Variants in DOCK11 observed in about 807,000 individuals in gnomAD.
DOCK11 encodes dedicator of cytokinesis 11.
Under a neutral mutation model 169.1 loss-of-function variants are expected in DOCK11, and 70 were observed. The ratio of observed to expected loss-of-function variants is 0.41; its 90% CI spans 0.34 to 0.51. The LOEUF (loss-of-function observed/expected upper bound fraction) is 0.51, where lower values mean the gene tolerates loss of function less well. Among genes scored for constraint, DOCK11 ranks in the 20% least tolerant of loss-of-function variants. DOCK11 has a pLI of 0.10. For missense variants in DOCK11, 1,166 were observed against 1,538.8 expected (o/e 0.76, Z 4.05); for synonymous variants, 529 against 541.3 (o/e 0.98, Z 0.32).
chrX:118,589,217 ATT>A (rs112612053), intron 18 of DOCK11, among the ~76,000 whole-genome samples: 2 of 104,933 alleles, frequency 1.9e-5, no homozygotes, highest in African/African-American at 6.9e-5. Flanking sequence ...TTGAAAAGAG[ATT>A]TTTTTTTTTT....
chrX:118,651,019 A>G (rs1190482614), intron 41 of DOCK11, among the ~76,000 whole-genome samples: 1 of 111,503 alleles, frequency 9.0e-6, no homozygotes. Context: ...AAGGCATTCA[A>G]CTCTAGAGCC....
intron 46 of DOCK11, among the ~76,000 whole-genome samples, chrX:118,673,144 G>C (rs1326548256): frequency 2.7e-5 from 3 of 111,771 alleles, no homozygotes; most frequent in Non-Finnish European, 5.6e-5. Context: ...TAGAAACCCA[G>C]GGAGCCTTTT....
At chrX:118,601,421 CAAAAAAAAAA>C (rs199813534) in intron 23 of DOCK11, among the ~76,000 whole-genome samples, 1 of 54,021 alleles carries the variant, frequency 1.9e-5, no homozygotes, top group South Asian at 8.6e-4. Flanking sequence ...GACCCTGTCT[CAAAAAAAAAA>C]AAAAAAGAAA....
At chrX:118,593,659 A>C (rs183229049) in intron 20 of DOCK11, among the ~76,000 whole-genome samples, 1 of 111,244 alleles carries the variant, frequency 9.0e-6, no homozygotes, top group East Asian at 2.9e-4. Flanking sequence ...CGTGAGACTT[A>C]TTCATTATCA....
intron 20 of DOCK11, among the ~76,000 whole-genome samples, chrX:118,594,688 A>T (rs1336139812): frequency 2.7e-5 from 3 of 111,539 alleles, no homozygotes; most frequent in African/African-American, 9.8e-5. Flanking sequence ...GTAAACAATT[A>T]TAATACAAGA....
chrX:118,633,817 G>C (rs967445675), intron 35 of DOCK11: 9 of 112,792 alleles, frequency 8.0e-5, no homozygotes, highest in African/African-American at 2.9e-4. Flanking sequence ...CAGAAACGAA[G>C]TCATCACTAC....
At chrX:118,674,443 G>A (rs142765730) in intron 46 of DOCK11, among the ~76,000 whole-genome samples, 4 of 112,292 alleles carry the variant, frequency 3.6e-5, no homozygotes, top group African/African-American at 1.3e-4. Context: ...ACCGCACCTG[G>A]CCTGTTAACA....
intron 20 of DOCK11, among the ~76,000 whole-genome samples, chrX:118,596,096 AAAAATGTTGCTTAAGAACAAG>A (rs2014159150): frequency 1.8e-5 from 2 of 112,648 alleles, no homozygotes; most frequent in African/African-American, 6.4e-5. Context: ...ATTTCTATTT[AAAAATGTTGCTTAAGAACAAG>A]AAATAGATTT....
chrX:118,547,053 C>T (rs2012312268), intron 6 of DOCK11, among the ~76,000 whole-genome samples: 1 of 109,553 alleles, frequency 9.1e-6, no homozygotes, highest in Non-Finnish European at 1.9e-5. Flanking sequence ...GAGCCTTGAA[C>T]ACCTTGGACA....
chrX:118,555,750 T>G (rs1157648626), intron 6 of DOCK11, among the ~76,000 whole-genome samples: 1 of 110,432 alleles, frequency 9.1e-6, no homozygotes, highest in African/African-American at 3.3e-5. Flanking sequence ...TTTCTTTCAT[T>G]TTTGTGCAGA....
chrX:118,578,040 C>G (rs905403503), intron 12 of DOCK11, among the ~76,000 whole-genome samples: 4 of 112,126 alleles, frequency 3.6e-5, no homozygotes, highest in African/African-American at 1.3e-4. Flanking sequence ...TTCTCTGTCT[C>G]CTACCTTTGC....
At chrX:118,646,639 G>A (rs2015678687) in intron 40 of DOCK11, among the ~76,000 whole-genome samples, 1 of 111,718 alleles carries the variant, frequency 9.0e-6, no homozygotes, top group South Asian at 3.7e-4. Context: ...AGAAGACTTA[G>A]TGTAGTGATG....
chrX:118,681,891 A>G (rs2016752245), intron 51 of DOCK11, 97 bp downstream of exon 51: 3 of 583,469 alleles, frequency 5.1e-6, no homozygotes, highest in Middle Eastern at 4.9e-4. Context: ...ATACCCTTCC[A>G]AAAAGGGACA....
intron 40 of DOCK11, among the ~76,000 whole-genome samples, chrX:118,647,137 A>ATGTG (rs1491408043): frequency 4.4e-5 from 3 of 68,791 alleles, no homozygotes; most frequent in African/African-American, 5.9e-5. Flanking sequence ...TGTGAAGAGG[A>ATGTG]TATGTGTGTG....
chrX:118,556,698 A>C (rs936658647), intron 6 of DOCK11, among the ~76,000 whole-genome samples: 1 of 106,608 alleles, frequency 9.4e-6, no homozygotes, highest in Admixed American at 1.0e-4. Flanking sequence ...CAGAGGTTGC[A>C]GTAAGCCGAG....
In DOCK11 at chrX:118,572,308, C is replaced by G; in HGVS notation, c.1036-15C>G. 8.9e-7 allele frequency: 1 copy of G among 1,128,756 alleles called. No homozygotes were observed. The highest frequency in any genetic ancestry group is 2.3e-5 in the South Asian group (1 of 43,520). 93.0% of individuals were successfully genotyped at this position (1,128,756 alleles called of 1,213,427 possible). ...CATCTTTTTTTGAAAATGATTCATA[C>G]TATCTCTTTTATAGAGGTTGGACTT... On this transcript the variant is annotated splice_polypyrimidine_tract_variant and intron_variant, in intron 10 of 52. Transcript: ENST00000276202.
chrX:118,544,970 C>T (rs770383908), intron 4 of DOCK11, among the ~76,000 whole-genome samples: 1 of 109,560 alleles, frequency 9.1e-6, no homozygotes, highest in East Asian at 2.8e-4. Flanking sequence ...CACGCCTGGC[C>T]TGTGTTGCTT....
intron 14 of DOCK11, 147 bp from the exon 15 acceptor site, chrX:118,584,588 G>A: frequency 2.3e-6 from 1 of 437,697 alleles, no homozygotes; most frequent in Non-Finnish European, 3.7e-6. Context: ...CAGGATTGTA[G>A]AGTGATGGGT....
chrX:118,531,412 CAAAAAAAAAAAAAAAAAAAAAAAAAAAA>C (rs60932296), intron 1 of DOCK11, among the ~76,000 whole-genome samples: 1 of 29,205 alleles, frequency 3.4e-5, no homozygotes, highest in Non-Finnish European at 5.9e-5. Context: ...GCCATATACT[CAAAAAAAAAAAAAAAAAAAAAAAAAAAA>C]AAAAAAAAAA....
Sources: gnomAD v4.1 joint callset for allele counts (sites outside exome capture counted in the v4.1 genomes callset) on GRCh38, gnomAD v4.1.1 for gene constraint, MANE v1.5 for transcripts, NCBI Gene and HGNC (gene_info 2026-07-23, HGNC 2026-07-21) for gene names.